The following ZNF385D variants were observed in gnomAD, a reference collection of about 807,000 sequenced individuals.
ZNF385D encodes the protein zinc finger protein 659.
ZNF385D carries 15 observed loss-of-function variants against 35.8 expected under a neutral mutation model. The observed-to-expected ratio is 0.42, with a 90% confidence interval of 0.28 to 0.64. The LOEUF is 0.64. Ranked by LOEUF, ZNF385D falls within the 30% of genes least tolerant of loss-of-function variation. ZNF385D has a pLI of 0.23. For synonymous variants in ZNF385D, 212 were observed against 186.8 expected, an observed-to-expected ratio of 1.13 and a Z score of -1.10; for missense variants, 474 against 494.6, an observed-to-expected ratio of 0.96 and a Z score of 0.39.
intron 3 of ZNF385D, among the ~76,000 whole-genome samples, chr3:21,762,574 A>G (rs1170238888): frequency 6.6e-6 from 1 of 152,168 alleles, no homozygotes; most frequent in Non-Finnish European, 1.5e-5. Flanking sequence ...CTCATTTGGC[A>G]AAATTAATAT....
At chr3:21,775,869 G>A (rs933610071) in intron 3 of ZNF385D, among the ~76,000 whole-genome samples, 1 of 151,488 alleles carries the variant, frequency 6.6e-6, no homozygotes, top group African/African-American at 2.4e-5. Flanking sequence ...ATTAAGACAT[G>A]CTCTTTTTTA....
At chr3:22,196,828 CCTG>C (rs1267233401) in intron 2 of ZNF385D, among the ~76,000 whole-genome samples, 2 of 152,006 alleles carry the variant, frequency 1.3e-5, no homozygotes, top group Non-Finnish European at 2.9e-5. Context: ...ACTGTACTAA[CCTG>C]CTTTTATCTG....
At chr3:21,602,695 G>A (rs456636) in intron 2 of ZNF385D, among the ~76,000 whole-genome samples, 37,082 of 147,198 alleles carry the variant, frequency 0.25, 5,258 homozygotes, top group Non-Finnish European at 0.34. Context: ...ACCGCGCCCG[G>A]CTAATTTTTT....
intron 1 of ZNF385D, among the ~76,000 whole-genome samples, chr3:21,707,598 T>G (rs1367213634): frequency 6.6e-6 from 1 of 152,194 alleles, no homozygotes; most frequent in Non-Finnish European, 1.5e-5. Context: ...AGAAAAAATG[T>G]TGCAGATTAC....
intron 3 of ZNF385D, among the ~76,000 whole-genome samples, chr3:22,009,853 A>C (rs1318634879): frequency 1.9e-5 from 2 of 106,270 alleles, no homozygotes; most frequent in African/African-American, 6.5e-5. Context: ...AAGAGTAGTT[A>C]TAAATATATA....
intron 2 of ZNF385D, among the ~76,000 whole-genome samples, chr3:21,638,591 A>G (rs573452555): frequency 1.3e-5 from 2 of 152,202 alleles, no homozygotes; most frequent in African/African-American, 2.4e-5. Context: ...AAAGTTATTT[A>G]TCTCTGACCT....
intron 3 of ZNF385D, among the ~76,000 whole-genome samples, chr3:22,058,315 C>T (rs961261668): frequency 1.3e-5 from 2 of 152,204 alleles, no homozygotes; most frequent in African/African-American, 4.8e-5. Flanking sequence ...TTGATATTAG[C>T]TAATTCAACA....
intron 3 of ZNF385D, among the ~76,000 whole-genome samples, chr3:22,086,665 A>G (rs1330103097): frequency 2.0e-5 from 3 of 152,184 alleles, no homozygotes; most frequent in East Asian, 3.8e-4. Context: ...TCACAATAGC[A>G]AAGACTTGGA....
chr3:22,270,082 G>A (rs1701096734), intron 2 of ZNF385D, among the ~76,000 whole-genome samples: 1 of 151,822 alleles, frequency 6.6e-6, no homozygotes, highest in South Asian at 2.1e-4. Flanking sequence ...GCAAGCTGCT[G>A]ATCCATGAGC....
chr3:22,142,357 A>G lies in ZNF385D; in HGVS notation c.325+26460T>C, dbSNP rs149003914. 3.8e-4 allele frequency among the ~76,000 whole-genome samples: 58 copies of G among 152,280 alleles called. 1 individual carries two copies. In the East Asian group the frequency reaches 0.011, roughly 29 times the overall value. ...TTATTTCTTTGGTTTATTCGATATT[A>G]TCTCCATAGCTCTTTTCCTTATGGT... is the stretch of plus-strand genomic sequence containing the variant. On this transcript the variant is annotated intron_variant, in intron 3 of 5. Transcript: ENST00000494108.
At chr3:21,424,315 A>ATTT (rs200706419) in intron 6 of ZNF385D, among the ~76,000 whole-genome samples, 33 of 47,062 alleles carry the variant, frequency 7.0e-4, no homozygotes, top group East Asian at 2.1e-3. Context: ...ATATATATAT[A>ATTT]TATTTTTTTT....
At chr3:21,947,724 A>T (rs1265705578) in intron 3 of ZNF385D, among the ~76,000 whole-genome samples, 2 of 152,112 alleles carry the variant, frequency 1.3e-5, no homozygotes, top group Admixed American at 6.6e-5. Context: ...TAATCCATCT[A>T]TCTTTTTTCT....
intron 1 of ZNF385D, among the ~76,000 whole-genome samples, chr3:21,700,392 A>G (rs2067637769): frequency 6.6e-6 from 1 of 152,230 alleles, no homozygotes; most frequent in Non-Finnish European, 1.5e-5. Context: ...GTAAAGGAGT[A>G]AACTTTAGCT....
intron 2 of ZNF385D, among the ~76,000 whole-genome samples, chr3:22,236,392 A>G (rs992173721): frequency 1.3e-5 from 2 of 152,000 alleles, no homozygotes; most frequent in Admixed American, 6.6e-5. Flanking sequence ...AGAAGAGAGG[A>G]GTAATCATAG....
At chr3:22,105,596 C>G (rs956211155) in intron 3 of ZNF385D, among the ~76,000 whole-genome samples, 3 of 152,042 alleles carry the variant, frequency 2.0e-5, no homozygotes, top group African/African-American at 7.2e-5. Context: ...TGGTGTAGAT[C>G]ACAGTTCAGG....
At chr3:21,970,641 G>T (rs899583875) in intron 3 of ZNF385D, among the ~76,000 whole-genome samples, 2 of 151,862 alleles carry the variant, frequency 1.3e-5, no homozygotes, top group South Asian at 4.1e-4. Flanking sequence ...GAGGTAGAAA[G>T]ATTATTCAAA....
intron 2 of ZNF385D, among the ~76,000 whole-genome samples, chr3:22,266,782 T>C (rs1306868262): frequency 2.0e-5 from 3 of 152,060 alleles, no homozygotes; most frequent in Admixed American, 6.6e-5. Flanking sequence ...ATAAGTCTGC[T>C]CAGATATTAT....
In ZNF385D at chr3:22,213,311, C is replaced by A. The variant is rs368622860; in HGVS notation, c.107-44276G>T. Among the ~76,000 whole-genome samples the A allele has an allele frequency of 3.9e-5, 6 of 152,104 alleles. No homozygotes were observed. In the South Asian group the frequency reaches 8.3e-4, roughly 21 times the overall value. The stretch of plus-strand genomic sequence containing the variant: ...TGTTTTGTATTTTTTATATTTACAA[C>A]CATTTAAAATGCTAAAAACAATTTG... On this transcript the variant is annotated intron_variant, in intron 2 of 5. Coordinates refer to the ZNF385D transcript ENST00000494108.
intron 3 of ZNF385D, among the ~76,000 whole-genome samples, chr3:21,961,741 A>C (rs984279820): frequency 6.6e-6 from 1 of 152,144 alleles, no homozygotes; most frequent in Non-Finnish European, 1.5e-5. Flanking sequence ...GGGATTCAGG[A>C]AAGGCATTTC....
Sources: allele counts gnomAD v4.1 joint callset (sites outside exome capture counted in the v4.1 genomes callset), GRCh38; gene constraint gnomAD v4.1.1; transcripts MANE v1.5; gene names NCBI Gene and HGNC (gene_info 2026-07-23, HGNC 2026-07-21).